ZFAND6: variants seen among roughly 807,000 people sequenced by gnomAD.
ZFAND6 encodes AN1-type zinc finger protein 6.
In ZFAND6, 12 loss-of-function variants were observed where a neutral mutation model predicts 24.5. The ratio of observed to expected loss-of-function variants is 0.49; its 90% CI spans 0.31 to 0.79. The LOEUF (loss-of-function observed/expected upper bound fraction) is 0.79. Among genes scored for constraint, ZFAND6 ranks in the 30% least tolerant of loss-of-function variants. ZFAND6 has a pLI of 0.04. For synonymous variants in ZFAND6, 92 were observed against 81.5 expected (o/e 1.13, Z -0.69); for missense variants, 207 against 245.9 (o/e 0.84, Z 1.06).
At chr15:80,134,778 G>A (rs888304738) in intron 6 of ZFAND6, among the ~76,000 whole-genome samples, 3 of 148,444 alleles carry the variant, frequency 2.0e-5, no homozygotes, top group African/African-American at 7.4e-5. Context: ...CTGCCAGACA[G>A]TGAGGAAGAA....
chr15:80,118,016 T>TTGTGTGTGTGTGTGTGTG (rs71455308), intron 2 of ZFAND6, among the ~76,000 whole-genome samples: 2 of 150,420 alleles, frequency 1.3e-5, no homozygotes, highest in Admixed American at 6.6e-5. Flanking sequence ...AGGTATTGAA[T>TTGTGTGTGTGTGTGTGTG]TGTGTGTGTG....
rs2039694384 is a variant in ZFAND6, at chr15:80,113,123, T to G, written c.-17-7205T>G. 2.6e-5 allele frequency among the ~76,000 whole-genome samples: 4 copies of G among 152,340 alleles called. No individual in the cohort carries two copies. In the South Asian group the frequency reaches 8.3e-4, roughly 32 times the overall value. ...TATTATGTGTATTTTTTTCTTTTCT[T>G]GAAATTATTAGTGAAGGTCCCAAAA... On this transcript the variant is annotated intron_variant, in intron 2 of 6. Coordinates refer to ENST00000261749, the MANE Select transcript of ZFAND6 (RefSeq NM_019006.4).
At chr15:80,062,453 T>C (rs972947172) in intron 1 of ZFAND6, among the ~76,000 whole-genome samples, 2 of 152,246 alleles carry the variant, frequency 1.3e-5, no homozygotes, top group African/African-American at 4.8e-5. Flanking sequence ...TGTTTCATTA[T>C]GCTAACAGGA....
At chr15:80,124,184 A>G (rs1281579428) in intron 5 of ZFAND6, among the ~76,000 whole-genome samples, 1 of 152,250 alleles carries the variant, frequency 6.6e-6, no homozygotes, top group Non-Finnish European at 1.5e-5. Flanking sequence ...CTGTAATCCC[A>G]GCACTTTGGG....
intron 2 of ZFAND6, among the ~76,000 whole-genome samples, chr15:80,117,736 G>C (rs538035753): frequency 1.3e-5 from 2 of 152,090 alleles, no homozygotes; most frequent in Non-Finnish European, 2.9e-5. Context: ...TCAAGATTTA[G>C]TAAAATTAAT....
intron 2 of ZFAND6, among the ~76,000 whole-genome samples, chr15:80,119,043 G>A (rs1312050482): frequency 1.3e-5 from 2 of 151,990 alleles, no homozygotes; most frequent in South Asian, 2.1e-4. Context: ...CACCCATTTC[G>A]GAGTAACCTT....
chr15:80,076,491 T>G (rs955087546), intron 1 of ZFAND6, among the ~76,000 whole-genome samples: 3 of 152,196 alleles, frequency 2.0e-5, no homozygotes, highest in Non-Finnish European at 4.4e-5. Flanking sequence ...GTATAATACA[T>G]TCTTTACTGT....
intron 1 of ZFAND6, among the ~76,000 whole-genome samples, chr15:80,076,255 A>T (rs1295127160): frequency 6.6e-6 from 1 of 152,166 alleles, no homozygotes; most frequent in Non-Finnish European, 1.5e-5. Flanking sequence ...CAGCTCACCA[A>T]AAGTCACAGC....
At position 80,138,258 on chromosome 15, in the gene ZFAND6, A is replaced by G. The variant is rs1385524587; in HGVS notation, c.*630A>G. On this transcript the variant is annotated 3_prime_UTR_variant, in exon 7 of 7. Coordinates refer to ENST00000261749, the MANE Select transcript of ZFAND6 (RefSeq NM_019006.4). ...AGCTGTATGCATTTCATTGCTGTCT[A>G]CAGGTTTCTTTCAGATTATGTTCAT... 1 of 152,630 alleles carries G rather than the reference A, an allele frequency of 6.6e-6. No individual in the cohort carries two copies. Among genetic ancestry groups the G allele is most frequent in the Admixed American group, 6.5e-5 (1 of 15,280 alleles). The allele number at this position is 152,630 out of a possible 1,614,324, so 9.5% of individuals were successfully genotyped here.
intron 1 of ZFAND6, among the ~76,000 whole-genome samples, chr15:80,087,781 C>T (rs2038091022): frequency 6.6e-6 from 1 of 152,132 alleles, no homozygotes; most frequent in Non-Finnish European, 1.5e-5. Flanking sequence ...TTTCATACAT[C>T]GTTTTTCTAG....
chr15:80,103,589 A>T (rs1444808976), intron 2 of ZFAND6, among the ~76,000 whole-genome samples: 1 of 152,228 alleles, frequency 6.6e-6, no homozygotes, highest in Non-Finnish European at 1.5e-5. Flanking sequence ...TCAAGAACTT[A>T]AAGTGTCCAA....
intron 1 of ZFAND6, among the ~76,000 whole-genome samples, chr15:80,071,816 G>A (rs777642539): frequency 2.0e-5 from 3 of 151,428 alleles, no homozygotes; most frequent in African/African-American, 4.8e-5. Context: ...ATTAGAACAT[G>A]TGCCTTTTGC....
rs562822698 is a variant in ZFAND6 at position 80,125,084 on chromosome 15, GA to G, written c.364+2288del. On this transcript the variant is annotated intron_variant, in intron 5 of 6. Coordinates refer to ENST00000261749, the MANE Select transcript of ZFAND6 (RefSeq NM_019006.4). The stretch of plus-strand genomic sequence containing the variant: ...TTTTCCATTTATTTAATAGATGGAT[GA>G]AAAGAGACAGAAAAAGTCTCTTTGA... 3.7e-3 allele frequency among the ~76,000 whole-genome samples: 566 copies of G among 152,236 alleles called. 6 individuals carry two copies. The highest frequency in any genetic ancestry group is 0.013 in the African/African-American group (527 of 41,538).
At chr15:80,069,074 A>G (rs2036826680) in intron 1 of ZFAND6, among the ~76,000 whole-genome samples, 1 of 152,230 alleles carries the variant, frequency 6.6e-6, no homozygotes, top group African/African-American at 2.4e-5. Flanking sequence ...CAGTAACTAT[A>G]TAAAGAATGA....
At chr15:80,114,297 C>T (rs1197321881) in intron 2 of ZFAND6, among the ~76,000 whole-genome samples, 2 of 152,176 alleles carry the variant, frequency 1.3e-5, no homozygotes, top group Non-Finnish European at 2.9e-5. Context: ...AGCTGGGATT[C>T]CAGCTGCTGC....
At chr15:80,063,963 C>G (rs537676295) in intron 1 of ZFAND6, among the ~76,000 whole-genome samples, 128 of 152,368 alleles carry the variant, frequency 8.4e-4, no homozygotes, top group African/African-American at 2.9e-3. Flanking sequence ...GCTGGGATTA[C>G]AGGCGTGAGC....
At chr15:80,111,476 C>G in intron 2 of ZFAND6, 1 of 455,100 alleles carries the variant, frequency 2.2e-6, no homozygotes, top group Non-Finnish European at 4.4e-6. Flanking sequence ...TTGGTGGAGT[C>G]GCCGGTAGCC....
chr15:80,127,358 C>T (rs1021286021), intron 5 of ZFAND6, among the ~76,000 whole-genome samples: 3 of 151,816 alleles, frequency 2.0e-5, no homozygotes, highest in Admixed American at 6.6e-5. Flanking sequence ...GAGGCTGAGG[C>T]GGGCGGATCA....
intron 1 of ZFAND6, among the ~76,000 whole-genome samples, chr15:80,085,821 G>A (rs949958597): frequency 6.6e-6 from 1 of 152,054 alleles, no homozygotes; most frequent in African/African-American, 2.4e-5. Flanking sequence ...ATGTTGGTCA[G>A]TGATGGACTG....
Sources: gnomAD v4.1 joint callset for allele counts (sites outside exome capture counted in the v4.1 genomes callset) on GRCh38, gnomAD v4.1.1 for gene constraint, MANE v1.5 for transcripts, NCBI Gene and HGNC (gene_info 2026-07-23, HGNC 2026-07-21) for gene names.